Variants in MAGT1 observed in about 807,000 individuals in gnomAD.
MAGT1 encodes dolichyl-diphosphooligosaccharide--protein glycosyltransferase subunit MAGT1.
A neutral mutation model predicts 28.4 loss-of-function variants in MAGT1; 4 were observed. The observed-to-expected ratio is 0.14, with a 90% CI of 0.07 to 0.32. MAGT1 has a LOEUF of 0.32. Ranked by LOEUF, MAGT1 falls within the 10% of genes least tolerant of loss-of-function variation. The pLI is 1.00. For synonymous variants in MAGT1, 89 were observed against 89.7 expected, an observed-to-expected ratio of 0.99 and a Z score of 0.04; for missense variants, 193 against 264.5, an observed-to-expected ratio of 0.73 and a Z score of 1.88.
At chrX:77,839,878 C>A (rs1480801298) in intron 8 of MAGT1, among the ~76,000 whole-genome samples, 4 of 109,975 alleles carry the variant, frequency 3.6e-5, no homozygotes, top group African/African-American at 1.3e-4. Context: ...AACTCCTGAC[C>A]TCAAGTGATC....
intron 1 of MAGT1, among the ~76,000 whole-genome samples, chrX:77,878,202 T>C (rs1164557084): frequency 1.2e-5 from 1 of 86,269 alleles, no homozygotes; most frequent in Non-Finnish European, 2.2e-5. Context: ...GGCATGACAA[T>C]CGCTTGAACC....
rs376193129 is a variant in MAGT1, at chrX:77,886,360, G to A, written c.102+8949C>T. ...GAGCTTGTTAAAAATGCAGACTTTG[G>A]CCGGGCACAGTGGCTCATGCCTGTA... On this transcript the variant is annotated intron_variant, in intron 1 of 9. Coordinates refer to ENST00000618282, the MANE Select transcript of MAGT1 (RefSeq NM_001367916.1). Among the ~76,000 whole-genome samples, 12 of 110,999 alleles carry A rather than the reference G, an allele frequency of 1.1e-4. No homozygotes were observed. In the South Asian group the frequency reaches 1.9e-3, roughly 17 times the overall value.
chrX:77,842,015 C>T (rs782595520), intron 7 of MAGT1, among the ~76,000 whole-genome samples: 4 of 109,086 alleles, frequency 3.7e-5, no homozygotes, highest in African/African-American at 1.3e-4. Context: ...GAATATTTCA[C>T]CCCACCTCCC....
At chrX:77,840,126 G>A (rs782355188) in intron 8 of MAGT1, among the ~76,000 whole-genome samples, 25 of 108,847 alleles carry the variant, frequency 2.3e-4, no homozygotes, top group South Asian at 4.0e-4. Context: ...ATGGCTGGGC[G>A]TGGTGGCTCA....
chrX:77,844,038 G>C (rs898210705), intron 7 of MAGT1, among the ~76,000 whole-genome samples: 2 of 111,516 alleles, frequency 1.8e-5, no homozygotes, highest in Non-Finnish European at 3.8e-5. Context: ...GCTCCTCCTT[G>C]TACCTCTGGT....
chrX:77,863,039 C>T (rs1023130421), intron 3 of MAGT1, among the ~76,000 whole-genome samples: 5 of 109,311 alleles, frequency 4.6e-5, no homozygotes, highest in Admixed American at 1.0e-4. Context: ...TGGTGATGTG[C>T]GCCTGTAATC....
chrX:77,834,915 T>C (rs1408990890), intron 8 of MAGT1, among the ~76,000 whole-genome samples: 5 of 108,475 alleles, frequency 4.6e-5, no homozygotes, highest in Non-Finnish European at 9.5e-5. Context: ...CAAACAACTC[T>C]ACAGGAAAAA....
chrX:77,866,171 C>T lies in MAGT1; in HGVS notation c.390+4637G>A, dbSNP rs1557216909. Among the ~76,000 whole-genome samples, 4 of 64,087 alleles carry T rather than the reference C, an allele frequency of 6.2e-5. 1 individual carries two copies. Among genetic ancestry groups the T allele is most frequent in the Non-Finnish European group, 1.7e-4 (4 of 23,827 alleles). The allele number at this position is 64,087 out of a possible 115,157, so 55.7% of individuals were successfully genotyped here. ...CTCAATTAAAAAAAAAAAAAGAGTG[C>T]ATCAAAGAATATGATTATGGGAAAG... On this transcript the variant is annotated intron_variant, in intron 3 of 9. Transcript: ENST00000618282.
In MAGT1 at chrX:77,841,298, C is replaced by G; in HGVS notation, c.849G>C (p.Met283Ile). The change falls in exon 8 of 10, where the codon ATG becomes ATC. Residue 283 changes from methionine to isoleucine, a missense_variant. Coordinates refer to ENST00000618282, the MANE Select transcript of MAGT1 (RefSeq NM_001367916.1). The stretch of plus-strand genomic sequence containing the variant: ...AGGTAGCAGCTTCACATAAAAGCAC[C>G]ATTCCTAAGGTAACTCCACCATCTA... The part of the protein sequence containing the change: ...LLFNGGVTLG[M>I]VLLCEAATSD... 1 of 1,203,441 alleles carries G rather than the reference C, an allele frequency of 8.3e-7. No homozygotes were observed. The highest frequency in any genetic ancestry group is 3.0e-5 in the East Asian group (1 of 33,740).
intron 1 of MAGT1, among the ~76,000 whole-genome samples, chrX:77,877,753 C>G (rs909562060): frequency 2.8e-5 from 3 of 107,075 alleles, no homozygotes; most frequent in Non-Finnish European, 5.7e-5. Flanking sequence ...GCGGAGGTTG[C>G]GGTGAGCCGA....
chrX:77,853,861 A>G, intron 7 of MAGT1, 40 bp downstream of exon 7: 4 of 1,103,788 alleles, frequency 3.6e-6, no homozygotes, highest in Non-Finnish European at 5.0e-6. Context: ...GTGAGAAAAC[A>G]GACAAAATAC....
intron 1 of MAGT1, among the ~76,000 whole-genome samples, chrX:77,886,227 A>G (rs1202965850): frequency 8.9e-6 from 1 of 112,223 alleles, no homozygotes; most frequent in African/African-American, 3.2e-5. Flanking sequence ...ACAACATAAA[A>G]GAAAGATTTA....
At chrX:77,892,249 T>C (rs1454679382) in intron 1 of MAGT1, among the ~76,000 whole-genome samples, 1 of 112,200 alleles carries the variant, frequency 8.9e-6, no homozygotes, top group East Asian at 2.8e-4. Flanking sequence ...AAATTTATTA[T>C]AGTAGATAGA....
At chrX:77,834,887 C>T (rs929669587) in intron 8 of MAGT1, among the ~76,000 whole-genome samples, 18 of 108,995 alleles carry the variant, frequency 1.7e-4, no homozygotes, top group African/African-American at 5.7e-4. Context: ...GGTTAATAAC[C>T]AGAATATAAA....
intron 1 of MAGT1, among the ~76,000 whole-genome samples, chrX:77,886,749 T>C (rs1207624178): frequency 8.9e-6 from 1 of 112,130 alleles, no homozygotes; most frequent in Non-Finnish European, 1.9e-5. Flanking sequence ...GAATATTGAA[T>C]TTTAACATGT....
At chrX:77,850,968 GTTCT>G (rs1484126966) in intron 7 of MAGT1, among the ~76,000 whole-genome samples, 2 of 105,719 alleles carry the variant, frequency 1.9e-5, no homozygotes, top group African/African-American at 6.8e-5. Flanking sequence ...TTTCTTTTCT[GTTCT>G]TTTTTTTTTT....
intron 1 of MAGT1, among the ~76,000 whole-genome samples, chrX:77,878,978 T>C (rs1221814519): frequency 9.0e-6 from 1 of 111,145 alleles, no homozygotes; most frequent in Non-Finnish European, 1.9e-5. Flanking sequence ...AAGAGAAGCA[T>C]GGTTAGTCGA....
At chrX:77,858,387 C>T (rs1320197255) in intron 3 of MAGT1, among the ~76,000 whole-genome samples, 1 of 110,668 alleles carries the variant, frequency 9.0e-6, no homozygotes, top group Admixed American at 9.8e-5. Context: ...GACAGGGGTT[C>T]ACCATGTTGG....
intron 1 of MAGT1, among the ~76,000 whole-genome samples, chrX:77,890,806 T>C (rs1603365494): frequency 8.9e-6 from 1 of 111,868 alleles, no homozygotes. Context: ...TTTTCCATTC[T>C]ACTGATGAGG....
Sources: gnomAD v4.1 joint callset for allele counts (sites outside exome capture counted in the v4.1 genomes callset) on GRCh38, gnomAD v4.1.1 for gene constraint, MANE v1.5 for transcripts, NCBI Gene and HGNC (gene_info 2026-07-23, HGNC 2026-07-21) for gene names.